The following ASXL2 variants were observed in gnomAD, a reference collection of about 807,000 sequenced individuals.
ASXL2 encodes the protein ASXL transcriptional regulator 2.
Under a neutral mutation model 122.0 loss-of-function variants are expected in ASXL2, and 23 were observed. The ratio of observed to expected loss-of-function variants is 0.19; its 90% confidence interval spans 0.14 to 0.27. ASXL2 has a LOEUF of 0.27. ASXL2 is among the 10% of genes least tolerant of loss of function. The probability of loss-of-function intolerance (pLI) is 1.00; values close to 1 mark genes in which losing one functional copy is unlikely to be tolerated. For missense variants in ASXL2, 1,518 were observed against 1,713.8 expected, an observed-to-expected ratio of 0.89 and a Z score of 2.02; for synonymous variants, 650 against 637.0, an observed-to-expected ratio of 1.02 and a Z score of -0.31.
At chr2:25,877,710 G>C (rs2090020805) in intron 1 of ASXL2, among the ~76,000 whole-genome samples, 1 of 152,226 alleles carries the variant, frequency 6.6e-6, no homozygotes, top group Non-Finnish European at 1.5e-5. Flanking sequence ...CACGTCCGCT[G>C]TAACGGGTAA....
chr2:25,799,311 G>C, intron 5 of ASXL2, 74 bp downstream of exon 5: 21 of 1,601,598 alleles, frequency 1.3e-5, no homozygotes, highest in Non-Finnish European at 1.7e-5. Context: ...TGGAGTCTGG[G>C]AAAAGAGGAA....
At chr2:25,850,707 C>T (rs2089705187) in intron 1 of ASXL2, among the ~76,000 whole-genome samples, 1 of 152,132 alleles carries the variant, frequency 6.6e-6, no homozygotes, top group South Asian at 2.1e-4. Flanking sequence ...TAGCAGCCAC[C>T]GATGATCACT....
chr2:25,873,979 A>C (rs909729455), intron 1 of ASXL2, among the ~76,000 whole-genome samples: 24 of 152,200 alleles, frequency 1.6e-4, no homozygotes, highest in African/African-American at 5.8e-4. Context: ...AAAACTGCTA[A>C]AATCCTCAGG....
intron 5 of ASXL2, among the ~76,000 whole-genome samples, chr2:25,777,264 T>C: frequency 6.6e-6 from 1 of 151,384 alleles, no homozygotes; most frequent in East Asian, 1.9e-4. Flanking sequence ...ATTTTTAAGT[T>C]TTTTTTTTAA....
chr2:25,763,843 C>G (rs2088294681), intron 8 of ASXL2, among the ~76,000 whole-genome samples: 1 of 152,134 alleles, frequency 6.6e-6, no homozygotes, highest in African/African-American at 2.4e-5. Context: ...GAATTTAAAC[C>G]CAGGCGATTT....
chr2:25,742,398 G>C lies in ASXL2; in HGVS notation c.3939C>G (p.Thr1313=). 6.8e-7 allele frequency: 1 copy of C among 1,476,448 alleles called. No individual in the cohort carries two copies. Among genetic ancestry groups the C allele is most frequent in the Non-Finnish European group, 9.2e-7 (1 of 1,085,972 alleles). 91.5% of individuals were successfully genotyped at this position (1,476,448 alleles called of 1,614,324 possible). Residue 1313 remains threonine (T), a synonymous_variant, in exon 13 of 13, where the codon ACC becomes ACG. Coordinates refer to ENST00000435504, the MANE Select transcript of ASXL2 (RefSeq NM_018263.6). ...HQPLLLPPLQ[T]PKLYGSPTQI... ...GGGTGGGGCTTCCATACAACTTCGG[G>C]GTTTGCAGGGGTGGAAGGAGTAGGG...
chr2:25,761,357 G>A (rs993658968), intron 8 of ASXL2, among the ~76,000 whole-genome samples: 2 of 152,058 alleles, frequency 1.3e-5, no homozygotes, highest in Non-Finnish European at 2.9e-5. Flanking sequence ...AAGCATCCAC[G>A]AGGAAGGGAA....
intron 2 of ASXL2, among the ~76,000 whole-genome samples, chr2:25,837,207 G>A (rs1213451213): frequency 6.6e-6 from 1 of 152,022 alleles, no homozygotes; most frequent in East Asian, 1.9e-4. Context: ...GCTGATGGAA[G>A]GGAAAAACCT....
At chr2:25,779,767 A>G (rs2088604268) in intron 5 of ASXL2, among the ~76,000 whole-genome samples, 1 of 152,196 alleles carries the variant, frequency 6.6e-6, no homozygotes, top group South Asian at 2.1e-4. Context: ...TTCCTTAACT[A>G]TATTACTCTA....
intron 1 of ASXL2, among the ~76,000 whole-genome samples, chr2:25,850,138 T>G (rs1250810756): frequency 6.6e-6 from 1 of 152,130 alleles, no homozygotes; most frequent in Non-Finnish European, 1.5e-5. Context: ...CCTCAGACAT[T>G]TCATTCATTA....
chr2:25,746,762 T>C (rs2087949503), intron 12 of ASXL2, among the ~76,000 whole-genome samples: 1 of 152,198 alleles, frequency 6.6e-6, no homozygotes. Context: ...AATAGCCCTA[T>C]TACCTGATTA....
At chr2:25,752,191 G>A (rs894969022) in intron 11 of ASXL2, among the ~76,000 whole-genome samples, 1 of 152,176 alleles carries the variant, frequency 6.6e-6, no homozygotes, top group African/African-American at 2.4e-5. Context: ...GTGGTTACGG[G>A]TCTTCTTAAG....
At chr2:25,865,591 C>A (rs982267335) in intron 1 of ASXL2, among the ~76,000 whole-genome samples, 2 of 148,692 alleles carry the variant, frequency 1.3e-5, no homozygotes, top group Non-Finnish European at 3.0e-5. Context: ...CACGGTGAGA[C>A]CCTGTCTCTA....
chr2:25,856,920 G>T, intron 1 of ASXL2: 1 of 650,022 alleles, frequency 1.5e-6, no homozygotes, highest in Non-Finnish European at 2.8e-6. Context: ...TGGCAGCTGG[G>T]ACAGTGTCCT....
chr2:25,836,940 A>ATGAC (rs891680896), intron 2 of ASXL2, among the ~76,000 whole-genome samples: 9 of 152,190 alleles, frequency 5.9e-5, no homozygotes, highest in Middle Eastern at 3.2e-3. Flanking sequence ...AAAACTAGTC[A>ATGAC]GAGAATAGGG....
intron 4 of ASXL2, among the ~76,000 whole-genome samples, chr2:25,805,559 A>T (rs1312417063): frequency 6.6e-6 from 1 of 152,108 alleles, no homozygotes; most frequent in Non-Finnish European, 1.5e-5. Flanking sequence ...GAGAGAATGA[A>T]ATGAGAATGT....
chr2:25,863,830 A>C (rs1028891165), intron 1 of ASXL2, among the ~76,000 whole-genome samples: 8 of 151,398 alleles, frequency 5.3e-5, no homozygotes, highest in Non-Finnish European at 8.8e-5. Context: ...ACATGGTGAA[A>C]CTCCATCTCT....
rs530774205 is a variant in ASXL2 at position 25,862,045 on chromosome 2, A to T, written c.57+16121T>A. ...TTAATGTCATATTATTCCTATATTT[A>T]AAAAATTCATTTAACTTTTGTGAAA... On this transcript the variant is annotated intron_variant, in intron 1 of 12. Transcript: ENST00000435504. Among the ~76,000 whole-genome samples, 12 of 152,334 alleles carry T rather than the reference A, an allele frequency of 7.9e-5. No individual in the cohort carries two copies. The South Asian group carries it at 2.3e-3, about 29-fold the overall frequency.
chr2:25,813,212 T>C (rs1380245005), intron 3 of ASXL2, among the ~76,000 whole-genome samples: 2 of 152,190 alleles, frequency 1.3e-5, no homozygotes, highest in Admixed American at 6.5e-5. Flanking sequence ...TAGAATCTAA[T>C]AGAGAAGATA....
Sources: allele counts gnomAD v4.1 joint callset (sites outside exome capture counted in the v4.1 genomes callset), GRCh38; gene constraint gnomAD v4.1.1; transcripts MANE v1.5; gene names NCBI Gene and HGNC (gene_info 2026-07-23, HGNC 2026-07-21).